CTNND2: variants seen among roughly 807,000 people sequenced by gnomAD.
CTNND2 encodes catenin delta 2, also known as catenin delta-2.
CTNND2 carries 22 observed loss-of-function variants against 144.4 expected under a neutral mutation model. The observed-to-expected ratio is 0.15, with a 90% CI of 0.11 to 0.22. The LOEUF (loss-of-function observed/expected upper bound fraction) is 0.22, where lower values mean the gene tolerates loss of function less well. Ranked by LOEUF, CTNND2 falls within the 10% of genes least tolerant of loss-of-function variation. The pLI is 1.00. For missense variants in CTNND2, 1,353 were observed against 1,618.8 expected, an observed-to-expected ratio of 0.84 and a Z score of 2.82; for synonymous variants, 751 against 695.6, an observed-to-expected ratio of 1.08 and a Z score of -1.25.
At chr5:11,577,674 T>G (rs1778071852) in intron 2 of CTNND2, among the ~76,000 whole-genome samples, 1 of 152,154 alleles carries the variant, frequency 6.6e-6, no homozygotes, top group South Asian at 2.1e-4. Context: ...AAATTTACCA[T>G]CAGGCAAATT....
chr5:11,893,373 G>A (rs1308433367), intron 1 of CTNND2, among the ~76,000 whole-genome samples: 2 of 152,152 alleles, frequency 1.3e-5, no homozygotes, highest in African/African-American at 4.8e-5. Context: ...ATTATCTAGC[G>A]CTGGAGGTAT....
intron 18 of CTNND2, among the ~76,000 whole-genome samples, chr5:11,005,791 G>C (rs936157987): frequency 6.6e-6 from 1 of 152,128 alleles, no homozygotes; most frequent in Non-Finnish European, 1.5e-5. Flanking sequence ...TGTATGGATG[G>C]GTTTAGTGTT....
chr5:11,202,995 G>A (rs1737635172), intron 10 of CTNND2, among the ~76,000 whole-genome samples: 1 of 151,944 alleles, frequency 6.6e-6, no homozygotes, highest in Middle Eastern at 3.2e-3. Flanking sequence ...AGTAGAGACG[G>A]GATTTCATCA....
chr5:11,549,460 C>T (rs1004743955), intron 3 of CTNND2, among the ~76,000 whole-genome samples: 1 of 152,134 alleles, frequency 6.6e-6, no homozygotes. Context: ...ATCCACTCAC[C>T]CCCAACAGGC....
intron 3 of CTNND2, among the ~76,000 whole-genome samples, chr5:11,445,219 C>T (rs1328084952): frequency 6.6e-6 from 1 of 152,122 alleles, no homozygotes; most frequent in African/African-American, 2.4e-5. Flanking sequence ...AGATGCATCA[C>T]TTCAATTTCT....
intron 7 of CTNND2, among the ~76,000 whole-genome samples, chr5:11,366,384 ACT>A (rs1756979127): frequency 6.6e-6 from 1 of 152,182 alleles, no homozygotes; most frequent in Non-Finnish European, 1.5e-5. Context: ...AATAAAAACC[ACT>A]GAGTATTTTG....
rs1311989447 is a variant in CTNND2, at chr5:11,384,398, A to G, written c.1177+267T>C. ...TTATGAGTTAGTCTTTAGGCTGGGG[A>G]GAGGGCAGAGAGAGAAGAGAGGAGA... On this transcript the variant is annotated intron_variant, in intron 7 of 21. Coordinates refer to ENST00000304623, the MANE Select transcript of CTNND2 (RefSeq NM_001332.4). The surrounding 1 kb of genome is among the most constrained non-coding windows in gnomAD (Gnocchi z 5.2). 4.1e-6 allele frequency: 2 copies of G among 484,500 alleles called. No homozygotes were observed. Among genetic ancestry groups the G allele is most frequent in the African/African-American group, 4.0e-5 (2 of 50,522 alleles). The allele number at this position is 484,500 out of a possible 1,614,324, so 30.0% of individuals were successfully genotyped here. A position where few individuals can be genotyped will look rare whatever the true frequency, so the allele number is the denominator to read the frequency against.
At chr5:11,056,881 G>T (rs1344200959) in intron 16 of CTNND2, among the ~76,000 whole-genome samples, 1 of 152,214 alleles carries the variant, frequency 6.6e-6, no homozygotes, top group Non-Finnish European at 1.5e-5. Context: ...AGAAGCTCAG[G>T]CCGCATGCCA....
At chr5:11,041,461 G>A (rs1744691675) in intron 16 of CTNND2, among the ~76,000 whole-genome samples, 1 of 152,170 alleles carries the variant, frequency 6.6e-6, no homozygotes, top group Admixed American at 6.5e-5. Context: ...TTAGGCAGAA[G>A]CTCTTTTCTC....
At chr5:11,754,270 T>C (rs762435745) in intron 1 of CTNND2, among the ~76,000 whole-genome samples, 3 of 151,770 alleles carry the variant, frequency 2.0e-5, no homozygotes, top group South Asian at 2.1e-4. Context: ...TGTTAGGTTG[T>C]GAATTTGAGA....
At chr5:11,531,408 C>T (rs1251452749) in intron 3 of CTNND2, among the ~76,000 whole-genome samples, 1 of 152,030 alleles carries the variant, frequency 6.6e-6, no homozygotes, top group Non-Finnish European at 1.5e-5. Flanking sequence ...GGTAGATATC[C>T]TGAGATCAGG....
At chr5:11,334,590 C>G (rs1320868650) in intron 9 of CTNND2, among the ~76,000 whole-genome samples, 1 of 152,194 alleles carries the variant, frequency 6.6e-6, no homozygotes, top group African/African-American at 2.4e-5. Flanking sequence ...GGCATCTCAC[C>G]TATCCCTTCA....
intron 2 of CTNND2, among the ~76,000 whole-genome samples, chr5:11,666,215 G>A (rs1248545006): frequency 1.3e-5 from 2 of 152,174 alleles, no homozygotes; most frequent in African/African-American, 2.4e-5. Flanking sequence ...CCTGGAGAAA[G>A]AGGTAATTCG....
At chr5:11,631,468 T>A (rs983824176) in intron 2 of CTNND2, among the ~76,000 whole-genome samples, 1 of 152,096 alleles carries the variant, frequency 6.6e-6, no homozygotes, top group Non-Finnish European at 1.5e-5. Context: ...GGGAAGAGAG[T>A]CTGTGGCATT....
intron 14 of CTNND2, among the ~76,000 whole-genome samples, chr5:11,109,608 G>C (rs1381512497): frequency 1.3e-5 from 2 of 152,152 alleles, no homozygotes; most frequent in Middle Eastern, 3.4e-3. Flanking sequence ...CTGTGTTGTA[G>C]ACTAGATAAC....
chr5:11,060,405 T>TACACAC (rs3032070), intron 16 of CTNND2, among the ~76,000 whole-genome samples: 5 of 151,790 alleles, frequency 3.3e-5, no homozygotes, highest in African/African-American at 1.2e-4. Flanking sequence ...AAAGGATGAC[T>TACACAC]ACACACACAC....
rs1248437988 is a variant in CTNND2, at chr5:11,110,972, C to T, written c.2349G>A (p.Gln783=). 3 of 1,614,038 alleles carry T rather than the reference C, an allele frequency of 1.9e-6. No individual in the cohort carries two copies. Among genetic ancestry groups the T allele is most frequent in the Middle Eastern group, 1.6e-4 (1 of 6,084 alleles). ...CGTCCAGCTCGTCCGTGCCCATGTGCTGTCCCTGAGACGTTTCTGCCGCCA... is the reference window on the plus strand; with the variant it reads ...CGTCCAGCTCGTCCGTGCCCATGTGTTGTCCCTGAGACGTTTCTGCCGCCA... ...YRLAAETSQG[Q]HMGTDELDGL... The change falls in exon 14 of 22, where the codon CAG becomes CAA. Residue 783 remains glutamine (Q), a synonymous_variant. Coordinates refer to ENST00000304623, the MANE Select transcript of CTNND2 (RefSeq NM_001332.4).
At chr5:11,183,433 AG>A (rs1413321113) in intron 11 of CTNND2, among the ~76,000 whole-genome samples, 1 of 152,246 alleles carries the variant, frequency 6.6e-6, no homozygotes, top group African/African-American at 2.4e-5. Flanking sequence ...TACACAGATC[AG>A]AAAATGCCCC....
chr5:11,445,561 C>T (rs1022156971), intron 3 of CTNND2, among the ~76,000 whole-genome samples: 1 of 152,306 alleles, frequency 6.6e-6, no homozygotes, highest in African/African-American at 2.4e-5. Context: ...GCTTTGCCAC[C>T]AGCTCTGCGT....
Sources: allele counts gnomAD v4.1 joint callset (sites outside exome capture counted in the v4.1 genomes callset), GRCh38; gene constraint gnomAD v4.1.1; non-coding constraint Gnocchi (gnomAD v3.1); transcripts MANE v1.5; gene names NCBI Gene and HGNC (gene_info 2026-07-23, HGNC 2026-07-21).